GRIK4: variants seen among roughly 807,000 people sequenced by gnomAD.
GRIK4 encodes glutamate receptor ionotropic, kainate 4.
Under a neutral mutation model 104.9 loss-of-function variants are expected in GRIK4, and 40 were observed. That is an observed-to-expected ratio of 0.38 (90% CI 0.30 to 0.50). The LOEUF (loss-of-function observed/expected upper bound fraction) is 0.50. Among genes scored for constraint, GRIK4 ranks in the 20% least tolerant of loss-of-function variants. The pLI is 0.93. For synonymous variants in GRIK4, 485 were observed against 524.9 expected, an observed-to-expected ratio of 0.92 and a Z score of 1.04; for missense variants, 1,047 against 1,308.1, an observed-to-expected ratio of 0.80 and a Z score of 3.08.
intron 11 of GRIK4, among the ~76,000 whole-genome samples, chr11:120,888,408 G>A (rs1955180762): frequency 6.6e-6 from 1 of 152,116 alleles, no homozygotes. Context: ...TTGTGATGTG[G>A]TTGGGAAGAT....
chr11:120,720,711 A>G (rs1032260255), intron 3 of GRIK4, among the ~76,000 whole-genome samples: 5 of 152,080 alleles, frequency 3.3e-5, no homozygotes, highest in African/African-American at 9.7e-5. Context: ...GGGGTTAGGG[A>G]GGAATAGGGA....
chr11:120,785,285 G>C (rs958567248), intron 3 of GRIK4, among the ~76,000 whole-genome samples: 19 of 152,226 alleles, frequency 1.2e-4, no homozygotes, highest in African/African-American at 4.1e-4. Flanking sequence ...AGCTTGCCCA[G>C]ATGTAGCTGG....
At chr11:120,830,986 C>T (rs946582950) in intron 6 of GRIK4, among the ~76,000 whole-genome samples, 5 of 151,842 alleles carry the variant, frequency 3.3e-5, no homozygotes, top group Admixed American at 1.3e-4. Flanking sequence ...ATTCTGGAAC[C>T]CCTCCTCCCA....
At chr11:120,589,593 A>G (rs1369303241) in intron 1 of GRIK4, among the ~76,000 whole-genome samples, 1 of 151,926 alleles carries the variant, frequency 6.6e-6, no homozygotes, top group African/African-American at 2.4e-5. Flanking sequence ...TCTGAACAAA[A>G]TCCTTCAGCC....
chr11:120,744,868 C>T (rs1951413102), intron 3 of GRIK4, among the ~76,000 whole-genome samples: 1 of 152,080 alleles, frequency 6.6e-6, no homozygotes, highest in Non-Finnish European at 1.5e-5. Flanking sequence ...ATGAATATAT[C>T]AAAATGTGAG....
intron 1 of GRIK4, among the ~76,000 whole-genome samples, chr11:120,558,064 T>TAGAGTC (rs1326659095): frequency 6.6e-6 from 1 of 150,462 alleles, no homozygotes; most frequent in Non-Finnish European, 1.5e-5. Context: ...CAGTGGTCCT[T>TAGAGTC]AGAGTCAGAG....
chr11:120,920,275 C>T (rs1378114294), intron 13 of GRIK4, among the ~76,000 whole-genome samples: 1 of 152,182 alleles, frequency 6.6e-6, no homozygotes, highest in Admixed American at 6.5e-5. Flanking sequence ...TTTGTGGACG[C>T]TCTGTGAGTG....
At chr11:120,616,713 A>G (rs991874297) in intron 1 of GRIK4, among the ~76,000 whole-genome samples, 10 of 152,244 alleles carry the variant, frequency 6.6e-5, no homozygotes, top group Admixed American at 1.3e-4. Context: ...AACTACGTCA[A>G]GACCTTGAGG....
At chr11:120,659,894 C>T (rs1949782032) in intron 2 of GRIK4, among the ~76,000 whole-genome samples, 1 of 152,174 alleles carries the variant, frequency 6.6e-6, no homozygotes, top group African/African-American at 2.4e-5. Context: ...ACCATGCCCA[C>T]CTAATTTTTG....
intron 1 of GRIK4, among the ~76,000 whole-genome samples, chr11:120,516,991 G>C (rs575542869): frequency 7.8e-6 from 1 of 128,922 alleles, no homozygotes; most frequent in Non-Finnish European, 1.7e-5. Context: ...GCTGCCGGGG[G>C]CCAGCTTAAG....
In GRIK4 at chr11:120,836,900, T is replaced by C. The variant is rs974622822; in HGVS notation, c.744+56T>C. The C allele has an allele frequency of 7.9e-6, 9 of 1,142,520 alleles. No homozygotes were observed. In the South Asian group the frequency reaches 9.9e-5, roughly 13 times the overall value. The allele number at this position is 1,142,520 out of a possible 1,614,324, so 70.8% of individuals were successfully genotyped here. A position where few individuals can be genotyped will look rare whatever the true frequency, so the allele number is the denominator to read the frequency against. On this transcript the variant is annotated intron_variant, in intron 8 of 20. Coordinates refer to ENST00000527524, the MANE Select transcript of GRIK4 (RefSeq NM_014619.5). ...AAGAGAGTGTTGTCAGTGGTCAGGATTGATGGATTATAAGGGAAAAAGCCC... is the reference window on the plus strand; with the variant it reads ...AAGAGAGTGTTGTCAGTGGTCAGGACTGATGGATTATAAGGGAAAAAGCCC...
At chr11:120,971,110 G>C (rs772916621) in intron 19 of GRIK4, among the ~76,000 whole-genome samples, 1 of 152,154 alleles carries the variant, frequency 6.6e-6, no homozygotes, top group South Asian at 2.1e-4. Flanking sequence ...AGGCCTGAAC[G>C]AGCAATTAAG....
In GRIK4 at chr11:120,553,714, G is replaced by T. The variant is rs529584712; in HGVS notation, c.-159+41827G>T. On this transcript the variant is annotated intron_variant, in intron 1 of 20. Transcript: ENST00000527524. ...TATGGGCCTGGGGAGGGGAGGGGAA[G>T]TTAAAAGGGGTTAGGGAGCAGGCTG... is the stretch of plus-strand genomic sequence containing the variant. Among the ~76,000 whole-genome samples, 17 of 152,304 alleles carry T rather than the reference G, an allele frequency of 1.1e-4. No homozygotes were observed. In the South Asian group the frequency reaches 3.3e-3, roughly 30 times the overall value.
chr11:120,648,264 G>A (rs1949569596), intron 1 of GRIK4, among the ~76,000 whole-genome samples: 1 of 152,230 alleles, frequency 6.6e-6, no homozygotes, highest in African/African-American at 2.4e-5. Flanking sequence ...ACTGGCAGAG[G>A]GAAGGTGATG....
chr11:120,953,955 GT>G lies in GRIK4; in HGVS notation c.1700+992del, dbSNP rs1382677824. ...ATCTGTCCGTGGCTCTGGTTTGCAG[GT>G]GTCTCTTCAGTTGTTACCTTTGCCT... On this transcript the variant is annotated intron_variant, in intron 15 of 20. Coordinates refer to ENST00000527524, the MANE Select transcript of GRIK4 (RefSeq NM_014619.5). The surrounding 1 kb of genome is among the most constrained non-coding windows in gnomAD (Gnocchi z 4.9). Among the ~76,000 whole-genome samples, 2 of 152,294 alleles carry G rather than the reference GT, an allele frequency of 1.3e-5. No homozygotes were observed. Among genetic ancestry groups the G allele is most frequent in the African/African-American group, 4.8e-5 (2 of 41,578 alleles).
At chr11:120,545,340 T>A (rs1457865915) in intron 1 of GRIK4, among the ~76,000 whole-genome samples, 1 of 152,218 alleles carries the variant, frequency 6.6e-6, no homozygotes, top group Non-Finnish European at 1.5e-5. Flanking sequence ...TACATTTTTT[T>A]CTTGTTATAA....
chr11:120,914,014 C>G (rs1171364971), intron 13 of GRIK4, among the ~76,000 whole-genome samples: 1 of 152,208 alleles, frequency 6.6e-6, no homozygotes, highest in Non-Finnish European at 1.5e-5. Context: ...CCACTCCTTC[C>G]CCGTGTGACA....
chr11:120,582,432 A>G (rs1380484977), intron 1 of GRIK4, among the ~76,000 whole-genome samples: 1 of 152,028 alleles, frequency 6.6e-6, no homozygotes, highest in Non-Finnish European at 1.5e-5. Context: ...ATAGTACCTG[A>G]TAGGTAGTTT....
At chr11:120,915,002 G>T (rs751896366) in intron 13 of GRIK4, among the ~76,000 whole-genome samples, 1 of 152,170 alleles carries the variant, frequency 6.6e-6, no homozygotes, top group Admixed American at 6.5e-5. Context: ...CCCAGTGAGT[G>T]CAGGGAGCTC....
Sources: allele counts gnomAD v4.1 joint callset (sites outside exome capture counted in the v4.1 genomes callset), GRCh38; gene constraint gnomAD v4.1.1; non-coding constraint Gnocchi (gnomAD v3.1); transcripts MANE v1.5; gene names NCBI Gene and HGNC (gene_info 2026-07-23, HGNC 2026-07-21).